PPP2R2B: variants seen among roughly 807,000 people sequenced by gnomAD.
PPP2R2B encodes the protein serine/threonine-protein phosphatase 2A 55 kDa regulatory subunit B beta isoform.
In PPP2R2B, 5 loss-of-function variants were observed where a neutral mutation model predicts 46.0. The observed-to-expected ratio is 0.11, with a 90% CI of 0.06 to 0.23. The LOEUF is 0.23. Among genes scored for constraint, PPP2R2B ranks in the 10% least tolerant of loss-of-function variants. PPP2R2B has a pLI of 1.00. For missense variants in PPP2R2B, 367 were observed against 575.0 expected (o/e 0.64, Z 3.70); for synonymous variants, 215 against 206.7 (o/e 1.04, Z -0.34).
rs192021412 is a variant in PPP2R2B, at chr5:146,885,559, G to A, written c.79+170106C>T. On this transcript the variant is annotated intron_variant, in intron 1 of 8. Coordinates refer to the PPP2R2B transcript ENST00000336640. ...ATAACAATGCAGCCACAAATAGTTT[G>A]CCAGTTCTTCAAAATATTAAGCACA... is the stretch of plus-strand genomic sequence containing the variant. Among the ~76,000 whole-genome samples the A allele has an allele frequency of 4.0e-3, 615 of 152,264 alleles. 8 individuals carry two copies. Among genetic ancestry groups the A allele is most frequent in the African/African-American group, 0.014 (593 of 41,530 alleles).
chr5:146,806,333 A>G (rs575406923), intron 2 of PPP2R2B, among the ~76,000 whole-genome samples: 1 of 152,272 alleles, frequency 6.6e-6, no homozygotes, highest in East Asian at 1.9e-4. Flanking sequence ...TTGATGCTTC[A>G]TTTCCACCTT....
In PPP2R2B at chr5:146,951,974, C is replaced by CTT. The variant is rs34746460; in HGVS notation, c.79+103689_79+103690dup. 5.6e-3 allele frequency among the ~76,000 whole-genome samples: 711 copies of CTT among 127,514 alleles called. 2 individuals carry two copies. The highest frequency in any genetic ancestry group is 9.1e-3 in the Middle Eastern group (2 of 220). The allele number at this position is 127,514 out of a possible 152,430, so 83.7% of individuals were successfully genotyped here. On this transcript the variant is annotated intron_variant, in intron 1 of 8. Transcript: ENST00000336640. Reference sequence around the variant, plus strand: ...ATGGTTGAACTAATTTACATAGAATCTTTTTTTTTTTTTTTTTTTAAAGCT... The same window carrying CTT: ...ATGGTTGAACTAATTTACATAGAATCTTTTTTTTTTTTTTTTTTTTTAAAGCT...
At chr5:146,658,157 G>A (rs183572094) in intron 5 of PPP2R2B, among the ~76,000 whole-genome samples, 33 of 152,192 alleles carry the variant, frequency 2.2e-4, no homozygotes, top group Middle Eastern at 3.4e-3. Context: ...AGATGAGAGC[G>A]GAAGTCCTGG....
intron 5 of PPP2R2B, among the ~76,000 whole-genome samples, chr5:146,651,271 T>C (rs1317506140): frequency 6.6e-6 from 1 of 152,184 alleles, no homozygotes; most frequent in African/African-American, 2.4e-5. Context: ...CAGCCACTAA[T>C]ATATAGGGAA....
chr5:146,909,290 T>C (rs2151804084), intron 1 of PPP2R2B, among the ~76,000 whole-genome samples: 1 of 152,312 alleles, frequency 6.6e-6, no homozygotes, highest in African/African-American at 2.4e-5. Context: ...TATCAGTAAG[T>C]AGAGCAGTTC....
chr5:146,673,471 C>T (rs1256110310), intron 5 of PPP2R2B, among the ~76,000 whole-genome samples: 1 of 90,838 alleles, frequency 1.1e-5, no homozygotes, highest in Non-Finnish European at 2.5e-5. Context: ...GGAAAAGTAA[C>T]CTATTTAGAA....
At chr5:146,968,845 A>G (rs959615441) in intron 1 of PPP2R2B, among the ~76,000 whole-genome samples, 18 of 152,264 alleles carry the variant, frequency 1.2e-4, no homozygotes, top group African/African-American at 3.9e-4. Flanking sequence ...AATGTATATC[A>G]TCTCAAAAGT....
intron 1 of PPP2R2B, among the ~76,000 whole-genome samples, chr5:146,997,256 T>C (rs957447666): frequency 5.3e-5 from 8 of 152,196 alleles, no homozygotes; most frequent in Non-Finnish European, 8.8e-5. Flanking sequence ...AGGGGATAAC[T>C]TGGATTCAGA....
intron 5 of PPP2R2B, among the ~76,000 whole-genome samples, chr5:146,659,691 T>C (rs182213491): frequency 2.0e-5 from 3 of 152,308 alleles, no homozygotes; most frequent in East Asian, 3.9e-4. Context: ...ACTAAGATCA[T>C]TGTCATTTTA....
chr5:146,918,962 TCA>T (rs931830036), intron 1 of PPP2R2B, among the ~76,000 whole-genome samples: 1 of 152,332 alleles, frequency 6.6e-6, no homozygotes, highest in East Asian at 1.9e-4. Context: ...GTCTACTAAT[TCA>T]CAGTTGTTTC....
chr5:146,911,177 G>A (rs902566373), intron 1 of PPP2R2B, among the ~76,000 whole-genome samples: 3 of 151,422 alleles, frequency 2.0e-5, no homozygotes, highest in Non-Finnish European at 4.4e-5. Context: ...TCTGCCTCCT[G>A]AGTTCAAGCA....
chr5:146,732,892 C>A (rs1403577741), intron 2 of PPP2R2B, among the ~76,000 whole-genome samples: 2 of 152,162 alleles, frequency 1.3e-5, no homozygotes, highest in African/African-American at 4.8e-5. Context: ...TGTTCAAGAC[C>A]ACACAGTTAA....
intron 1 of PPP2R2B, among the ~76,000 whole-genome samples, chr5:147,016,626 G>C (rs1486627271): frequency 4.4e-5 from 1 of 22,896 alleles, no homozygotes; most frequent in East Asian, 6.7e-4. Context: ...CAAGTCTAGG[G>C]TGCTATGGGA....
chr5:146,802,167 C>T (rs1756905090), intron 2 of PPP2R2B, among the ~76,000 whole-genome samples: 1 of 152,184 alleles, frequency 6.6e-6, no homozygotes, highest in Non-Finnish European at 1.5e-5. Flanking sequence ...AAATTTCATG[C>T]TCTAGTCCCA....
intron 5 of PPP2R2B, among the ~76,000 whole-genome samples, chr5:146,663,488 A>AT (rs1554121082): frequency 2.0e-4 from 30 of 151,926 alleles, no homozygotes; most frequent in Non-Finnish European, 3.8e-4. Context: ...ATAACAATAT[A>AT]CAGGCATGTC....
chr5:146,830,525 T>C, intron 2 of PPP2R2B, among the ~76,000 whole-genome samples: 1 of 148,134 alleles, frequency 6.8e-6, no homozygotes, highest in South Asian at 2.3e-4. Context: ...CTTCTGTATA[T>C]TGGCTTTTTT....
At chr5:147,052,687 G>A (rs544540699) in intron 1 of PPP2R2B, among the ~76,000 whole-genome samples, 1 of 152,340 alleles carries the variant, frequency 6.6e-6, no homozygotes, top group South Asian at 2.1e-4. Flanking sequence ...GATGGAGTAT[G>A]TTTGACCTCA....
chr5:146,916,724 C>A (rs368122883), intron 1 of PPP2R2B, among the ~76,000 whole-genome samples: 1 of 152,010 alleles, frequency 6.6e-6, no homozygotes, highest in Non-Finnish European at 1.5e-5. Flanking sequence ...GTAGACTATG[C>A]CAGAATAGCA....
intron 1 of PPP2R2B, among the ~76,000 whole-genome samples, chr5:146,936,890 C>A (rs1294304577): frequency 1.4e-5 from 2 of 147,816 alleles, no homozygotes; most frequent in East Asian, 3.9e-4. Context: ...TTCTTCAATG[C>A]TGTCTAATGG....
Sources: allele counts gnomAD v4.1 joint callset (sites outside exome capture counted in the v4.1 genomes callset), GRCh38; gene constraint gnomAD v4.1.1; transcripts MANE v1.5; gene names NCBI Gene and HGNC (gene_info 2026-07-23, HGNC 2026-07-21).